SPAG9: variants seen among roughly 807,000 people sequenced by gnomAD.
The protein encoded by SPAG9 is sperm associated antigen 9.
A neutral mutation model predicts 166.5 loss-of-function variants in SPAG9; 35 were observed. The observed-to-expected ratio is 0.21, with a 90% CI of 0.16 to 0.28. The LOEUF is 0.28. SPAG9 is among the 10% of genes least tolerant of loss of function. The pLI is 1.00. For missense variants in SPAG9, 1,235 were observed against 1,603.3 expected (o/e 0.77, Z 3.92); for synonymous variants, 534 against 565.5 (o/e 0.94, Z 0.79).
chr17:51,120,842 A>G lies in SPAG9; in HGVS notation c.-186T>C, dbSNP rs912827062. ...GGGGAGGGGTGGCGTAGGCGCTCTC[A>G]CCCCAACCGCCGCTGCACCAACTGC... On this transcript the variant is annotated 5_prime_UTR_variant, in exon 1 of 30. Transcript: ENST00000262013. This position sits in a 1 kb window ranked among gnomAD's most constrained non-coding sequence, Gnocchi z 4.7. 1.3e-5 allele frequency: 5 copies of G among 382,856 alleles called. No homozygotes were observed. Among genetic ancestry groups the G allele is most frequent in the African/African-American group, 1.1e-4 (5 of 46,352 alleles). 23.7% of individuals were successfully genotyped at this position (382,856 alleles called of 1,614,324 possible). A position where few individuals can be genotyped will look rare whatever the true frequency, so the allele number is the denominator to read the frequency against.
intron 4 of SPAG9, among the ~76,000 whole-genome samples, chr17:51,043,125 C>T (rs896409278): frequency 5.3e-5 from 8 of 151,994 alleles, no homozygotes; most frequent in African/African-American, 1.2e-4. Context: ...CCTGACCTCA[C>T]ATGATCTGCC....
intron 2 of SPAG9, among the ~76,000 whole-genome samples, chr17:51,071,688 T>G (rs1240573932): frequency 6.6e-6 from 1 of 152,246 alleles, no homozygotes; most frequent in East Asian, 1.9e-4. Context: ...GTGTGTCTTT[T>G]AATTCAGTTC....
At chr17:51,066,263 AC>A (rs2047661431) in intron 2 of SPAG9, among the ~76,000 whole-genome samples, 1 of 151,880 alleles carries the variant, frequency 6.6e-6, no homozygotes, top group African/African-American at 2.4e-5. Flanking sequence ...GGCGTGTGCC[AC>A]CAGGCCAAGA....
At chr17:51,007,852 C>T (rs779433124) in intron 9 of SPAG9, 2 of 451,040 alleles carry the variant, frequency 4.4e-6, no homozygotes, top group Non-Finnish European at 8.9e-6. Context: ...AAATTATGGT[C>T]TTAAAGCCCA....
chr17:51,105,729 G>T (rs1187112177), intron 1 of SPAG9, among the ~76,000 whole-genome samples: 2 of 152,008 alleles, frequency 1.3e-5, no homozygotes, highest in Non-Finnish European at 2.9e-5. Context: ...AATTAGCTGG[G>T]CATGGTGGCG....
chr17:51,026,668 TC>T (rs2046186474), intron 6 of SPAG9, among the ~76,000 whole-genome samples: 1 of 141,248 alleles, frequency 7.1e-6, no homozygotes, highest in Non-Finnish European at 1.6e-5. Flanking sequence ...CTTTTCTTTT[TC>T]TTTTCTTTTT....
Position 50,966,304 on chromosome 17 carries a change from T to C in SPAG9, c.3934A>G (p.Ile1312Val), listed in dbSNP as rs1395592505. 2.5e-6 allele frequency: 4 copies of C among 1,613,210 alleles called. No individual in the cohort carries two copies. The highest frequency in any genetic ancestry group is 3.4e-6 in the Non-Finnish European group (4 of 1,179,176). The change falls in exon 30 of 30, where the codon ATA (isoleucine) becomes GTA (valine). Residue 1312 changes from isoleucine to valine, a missense_variant. By Grantham distance (29) the Ile-to-Val change is conservative. This residue lies in a region of SPAG9 where 243 missense variants were observed against 358.6 expected (regional missense o/e 0.68). Coordinates refer to ENST00000262013, the MANE Select transcript of SPAG9 (RefSeq NM_001130528.3). ...SVTKAERSHL[I>V]VWQVMYGNE ...TTGCCATACATCACTTGCCACACTA[T>C]CAAGTGACTCCTTTCTGCTTTGGTG...
chr17:51,000,225 G>C (rs770213896), intron 13 of SPAG9, among the ~76,000 whole-genome samples: 4 of 152,166 alleles, frequency 2.6e-5, no homozygotes, highest in Non-Finnish European at 5.9e-5. Flanking sequence ...GGATTGACAG[G>C]TGATTCAACA....
intron 1 of SPAG9, among the ~76,000 whole-genome samples, chr17:51,103,125 G>C (rs1437906491): frequency 6.6e-6 from 1 of 152,038 alleles, no homozygotes; most frequent in African/African-American, 2.4e-5. Context: ...AAAACTTTTT[G>C]GAAGTTTTAG....
At position 51,020,184 on chromosome 17, in the gene SPAG9, C is replaced by T; in HGVS notation, c.1066G>A (p.Asp356Asn). The T allele has an allele frequency of 6.2e-7, 1 of 1,612,666 alleles. No individual in the cohort carries two copies. The highest frequency in any genetic ancestry group is 8.5e-7 in the Non-Finnish European group (1 of 1,178,760). ...CTTGAACCTTTATATCCACTGAGAT[C>T]TTTGTCCATATCCAGCTCAGGAGTA... ...ESTPELDMDK[D>N]LSGYKGSSTP... The change falls in exon 8 of 30, where the codon GAT becomes AAT. Residue 356 changes from aspartate (D) to asparagine (N), a missense_variant. This residue lies in a region of SPAG9 where 288 missense variants were observed against 323.7 expected (regional missense o/e 0.89). Coordinates refer to ENST00000262013, the MANE Select transcript of SPAG9 (RefSeq NM_001130528.3).
intron 6 of SPAG9, chr17:51,023,225 AT>A (rs1008281180): frequency 2.7e-5 from 4 of 147,930 alleles, no homozygotes; most frequent in East Asian, 3.9e-4. Flanking sequence ...ATAATTATAT[AT>A]TTTTATAATT....
intron 9 of SPAG9, among the ~76,000 whole-genome samples, chr17:51,012,336 C>T (rs2045519922): frequency 6.6e-6 from 1 of 152,056 alleles, no homozygotes; most frequent in African/African-American, 2.4e-5. Context: ...CTCTGGGAGG[C>T]CAAGACAGGC....
Position 51,120,303 on chromosome 17 carries a change from G to T in SPAG9, c.303+51C>A. Reference sequence around the variant, plus strand: ...CCCGACCGGGCCGCGACCCCGCCCCGGCCGCCCCCGGAGACGGATCCCGCG... The same window carrying T: ...CCCGACCGGGCCGCGACCCCGCCCCTGCCGCCCCCGGAGACGGATCCCGCG... On this transcript the variant is annotated intron_variant, in intron 1 of 29. Coordinates refer to ENST00000262013, the MANE Select transcript of SPAG9 (RefSeq NM_001130528.3). The surrounding 1 kb of genome is among the most constrained non-coding windows in gnomAD (Gnocchi z 4.7). The T allele has an allele frequency of 7.8e-7, 1 of 1,276,538 alleles. No individual in the cohort carries two copies. The highest frequency in any genetic ancestry group is 1.0e-6 in the Non-Finnish European group (1 of 956,498). 79.1% of individuals were successfully genotyped at this position (1,276,538 alleles called of 1,614,324 possible). A position where few individuals can be genotyped will look rare whatever the true frequency, so the allele number is the denominator to read the frequency against.
intron 19 of SPAG9, 75 bp from the exon 20 acceptor site, chr17:50,990,743 G>T: frequency 8.2e-7 from 1 of 1,219,308 alleles, no homozygotes. Context: ...ACAATTACAG[G>T]TTTGAAATGA....
At chr17:50,985,031 A>T (rs1304080473) in intron 23 of SPAG9, 41 bp from the exon 24 acceptor site, 1 of 1,571,788 alleles carries the variant, frequency 6.4e-7, no homozygotes, top group Non-Finnish European at 8.8e-7. Flanking sequence ...TCCATTCAGG[A>T]ATACAGAAGG....
Position 50,967,511 on chromosome 17 carries a change from C to T in SPAG9, c.3851-1124G>A, listed in dbSNP as rs184100222. Among the ~76,000 whole-genome samples the T allele has an allele frequency of 1.6e-4, 24 of 152,264 alleles. 1 individual carries two copies. In the East Asian group the frequency reaches 4.4e-3, roughly 28 times the overall value. Reference sequence around the variant, plus strand: ...ACTAGAGAGAGGAGAACACTCAGTTCAAACTCCCATCTCTGAACTGAAACA... The same window carrying T: ...ACTAGAGAGAGGAGAACACTCAGTTTAAACTCCCATCTCTGAACTGAAACA... On this transcript the variant is annotated intron_variant, in intron 29 of 29. Transcript: ENST00000262013.
At chr17:51,008,404 C>T (rs988264007) in intron 9 of SPAG9, among the ~76,000 whole-genome samples, 3 of 151,812 alleles carry the variant, frequency 2.0e-5, no homozygotes, top group African/African-American at 7.3e-5. Flanking sequence ...AAAAAACCCA[C>T]CAGTCACTCA....
intron 8 of SPAG9, among the ~76,000 whole-genome samples, chr17:51,019,698 C>G (rs934709084): frequency 1.3e-5 from 2 of 151,806 alleles, no homozygotes; most frequent in Non-Finnish European, 2.9e-5. Flanking sequence ...ACTAAAAATA[C>G]AAAATAAGCC....
intron 1 of SPAG9, among the ~76,000 whole-genome samples, chr17:51,113,220 G>C (rs1465294269): frequency 6.6e-6 from 1 of 151,540 alleles, no homozygotes; most frequent in African/African-American, 2.4e-5. Flanking sequence ...GGCCATGGTG[G>C]CACATGCCTG....
Sources: gnomAD v4.1 joint callset for allele counts (sites outside exome capture counted in the v4.1 genomes callset) on GRCh38, gnomAD v4.1.1 for gene constraint, gnomAD v4.1.1 regional missense constraint, Gnocchi (gnomAD v3.1) non-coding constraint, MANE v1.5 for transcripts, NCBI Gene and HGNC (gene_info 2026-07-23, HGNC 2026-07-21) for gene names.